Variants in NKAIN3 observed in about 807,000 individuals in gnomAD.
The protein encoded by NKAIN3 is sodium/potassium-transporting ATPase subunit beta-1-interacting protein 3.
A neutral mutation model predicts 30.2 loss-of-function variants in NKAIN3; 25 were observed. That is an observed-to-expected ratio of 0.83 (90% CI 0.60 to 1.16). NKAIN3 has a LOEUF of 1.16. NKAIN3 is among the 50% of genes most tolerant of loss of function. The pLI, the probability that NKAIN3 is intolerant of heterozygous loss-of-function variation, is 0.00. For synonymous variants in NKAIN3, 91 were observed against 89.6 expected, an observed-to-expected ratio of 1.02 and a Z score of -0.09; for missense variants, 225 against 254.1, an observed-to-expected ratio of 0.89 and a Z score of 0.78.
chr8:62,313,690 C>G (rs2129588834), intron 1 of NKAIN3, among the ~76,000 whole-genome samples: 1 of 152,246 alleles, frequency 6.6e-6, no homozygotes, highest in Non-Finnish European at 1.5e-5. Flanking sequence ...AAATATTTCA[C>G]TTACAGTTCC....
At chr8:62,276,035 A>G (rs1418503553) in intron 1 of NKAIN3, among the ~76,000 whole-genome samples, 2 of 151,960 alleles carry the variant, frequency 1.3e-5, no homozygotes, top group Non-Finnish European at 2.9e-5. Context: ...GTATCGGTCT[A>G]CTATGTCAGT....
In NKAIN3 at chr8:62,510,622, A is replaced by C. The variant is rs140680759; in HGVS notation, c.55-68917A>C. Among the ~76,000 whole-genome samples, 908 of 152,298 alleles carry C rather than the reference A, an allele frequency of 6.0e-3. 5 individuals carry two copies. Among genetic ancestry groups the C allele is most frequent in the Non-Finnish European group, 9.1e-3 (618 of 68,016 alleles). On this transcript the variant is annotated intron_variant, in intron 1 of 6. Coordinates refer to ENST00000623646, the MANE Select transcript of NKAIN3 (RefSeq NM_001304533.3). ...GAGAAAGAAGAGGAAGAGGAGGAAG[A>C]GGAAGGAGGAAGGAAGCAGAATGTG...
In NKAIN3 at chr8:62,345,670, TGGA is replaced by T. The variant is rs1186661553; in HGVS notation, c.54+96544_54+96546del. ...ATACACATATATACATATGTATACC[TGGA>T]ATATATATACCAGACTATATATAAT... On this transcript the variant is annotated intron_variant, in intron 1 of 6. Coordinates refer to ENST00000623646, the MANE Select transcript of NKAIN3 (RefSeq NM_001304533.3). Among the ~76,000 whole-genome samples, 599 of 149,762 alleles carry T rather than the reference TGGA, an allele frequency of 4.0e-3. 8 individuals carry two copies. The highest frequency in any genetic ancestry group is 0.014 in the African/African-American group (575 of 39,952).
chr8:62,636,134 A>G lies in NKAIN3; in HGVS notation c.273+46340A>G, dbSNP rs938043934. Among the ~76,000 whole-genome samples, 9 of 152,192 alleles carry G rather than the reference A, an allele frequency of 5.9e-5. 1 individual carries two copies. The South Asian group carries it at 6.2e-4, about 10-fold the overall frequency. ...TACAACTGATTTTATTCCTTCTTAC[A>G]GTTTCAAAAATAGATTGAAGTTGAG... On this transcript the variant is annotated intron_variant, in intron 3 of 6. Coordinates refer to ENST00000623646, the MANE Select transcript of NKAIN3 (RefSeq NM_001304533.3).
chr8:62,313,821 T>G (rs934197546), intron 1 of NKAIN3, among the ~76,000 whole-genome samples: 1 of 152,162 alleles, frequency 6.6e-6, no homozygotes, highest in African/African-American at 2.4e-5. Context: ...CCAAATATAT[T>G]TATGACCTGA....
chr8:62,870,240 C>CTATATCTATA (rs1480426242), intron 4 of NKAIN3, among the ~76,000 whole-genome samples: 329 of 113,384 alleles, frequency 2.9e-3, no homozygotes, highest in South Asian at 5.4e-3. Flanking sequence ...ATATAGATAT[C>CTATATCTATA]TATAGATATC....
intron 4 of NKAIN3, among the ~76,000 whole-genome samples, chr8:62,786,017 C>T (rs1253093609): frequency 6.6e-6 from 1 of 152,068 alleles, no homozygotes; most frequent in Non-Finnish European, 1.5e-5. Context: ...GCAAATCATG[C>T]TTTCAGGCAA....
intron 4 of NKAIN3, among the ~76,000 whole-genome samples, chr8:62,883,462 T>TTTTTTTTTTTG (rs1821055878): frequency 1.4e-5 from 2 of 144,456 alleles, no homozygotes; most frequent in African/African-American, 5.1e-5. Flanking sequence ...TATGGGTTTT[T>TTTTTTTTTTTG]TTTTTTTTTT....
chr8:62,290,578 C>T (rs572392875), intron 1 of NKAIN3, among the ~76,000 whole-genome samples: 1 of 152,288 alleles, frequency 6.6e-6, no homozygotes, highest in African/African-American at 2.4e-5. Context: ...CCTTGCATCC[C>T]AGGGATGAGA....
At chr8:62,249,378 C>T (rs1005935565) in intron 1 of NKAIN3, among the ~76,000 whole-genome samples, 4 of 152,194 alleles carry the variant, frequency 2.6e-5, no homozygotes, top group Non-Finnish European at 4.4e-5. Flanking sequence ...GTTCGCCGCG[C>T]TCCCGCCGGG....
intron 4 of NKAIN3, among the ~76,000 whole-genome samples, chr8:62,913,883 A>T (rs888335026): frequency 1.2e-4 from 19 of 152,230 alleles, no homozygotes; most frequent in African/African-American, 4.3e-4. Flanking sequence ...ATCTGTTTAT[A>T]CACTTTTGGT....
intron 3 of NKAIN3, among the ~76,000 whole-genome samples, chr8:62,730,571 G>T (rs1216276229): frequency 6.6e-6 from 1 of 152,010 alleles, no homozygotes; most frequent in African/African-American, 2.4e-5. Flanking sequence ...GTACTTTGGT[G>T]CTATATGAAT....
At chr8:62,890,291 T>C (rs1008150671) in intron 4 of NKAIN3, among the ~76,000 whole-genome samples, 1 of 152,198 alleles carries the variant, frequency 6.6e-6, no homozygotes, top group South Asian at 2.1e-4. Context: ...CAATACCAAA[T>C]AGATGTTTAG....
chr8:62,401,447 A>G (rs73684986), intron 1 of NKAIN3, among the ~76,000 whole-genome samples: 4,865 of 152,020 alleles, frequency 0.032, 301 homozygotes, highest in African/African-American at 0.11. Flanking sequence ...TATTTAGTTC[A>G]TTTGGTGAAT....
At chr8:62,433,240 G>T (rs1805070273) in intron 1 of NKAIN3, among the ~76,000 whole-genome samples, 1 of 152,010 alleles carries the variant, frequency 6.6e-6, no homozygotes, top group African/African-American at 2.4e-5. Context: ...CCATCTCTGG[G>T]CAGAAGCATC....
At chr8:62,431,289 A>G (rs1804988844) in intron 1 of NKAIN3, among the ~76,000 whole-genome samples, 1 of 151,936 alleles carries the variant, frequency 6.6e-6, no homozygotes, top group African/African-American at 2.4e-5. Context: ...TATTTAACAA[A>G]GAACTCTCAT....
At chr8:62,842,085 C>T (rs193138561) in intron 4 of NKAIN3, among the ~76,000 whole-genome samples, 188 of 152,036 alleles carry the variant, frequency 1.2e-3, no homozygotes, top group African/African-American at 4.3e-3. Flanking sequence ...ACCTTTTGGC[C>T]GTTTGGATGA....
At chr8:62,636,493 A>G (rs1185791851) in intron 3 of NKAIN3, among the ~76,000 whole-genome samples, 2 of 152,228 alleles carry the variant, frequency 1.3e-5, no homozygotes, top group African/African-American at 4.8e-5. Context: ...TACTTTCAAA[A>G]GATGAAATTT....
At chr8:62,822,978 A>G (rs1177964129) in intron 4 of NKAIN3, among the ~76,000 whole-genome samples, 5 of 152,194 alleles carry the variant, frequency 3.3e-5, no homozygotes, top group Non-Finnish European at 7.3e-5. Context: ...ATATCTAAAC[A>G]TAGAACAGGT....
Sources: allele counts gnomAD v4.1 joint callset (sites outside exome capture counted in the v4.1 genomes callset), GRCh38; gene constraint gnomAD v4.1.1; transcripts MANE v1.5; gene names NCBI Gene and HGNC (gene_info 2026-07-23, HGNC 2026-07-21).